The following SCRG1 variants were observed in gnomAD, a reference collection of about 807,000 sequenced individuals.
The protein encoded by SCRG1 is stimulator of chondrogenesis 1, also known as scrapie-responsive protein 1.
A neutral mutation model predicts 7.7 loss-of-function variants in SCRG1; 3 were observed. That is an observed-to-expected ratio of 0.39 (90% CI 0.18 to 1.01). The LOEUF is 1.01. Ranked by LOEUF, SCRG1 falls within the 50% of genes least tolerant of loss-of-function variation. The pLI is 0.36. For synonymous variants in SCRG1, 46 were observed against 41.2 expected (o/e 1.12, Z -0.44); for missense variants, 110 against 117.2 (o/e 0.94, Z 0.28).
At chr4:173,394,401 T>C (rs1197790120) in intron 1 of SCRG1, among the ~76,000 whole-genome samples, 1 of 152,146 alleles carries the variant, frequency 6.6e-6, no homozygotes, top group Non-Finnish European at 1.5e-5. Flanking sequence ...TCCCAGCACT[T>C]TGGGAGGCCG....
At chr4:173,475,666 A>G in the SCRG1 span, among the ~76,000 whole-genome samples, 1 of 152,212 alleles carries the variant, frequency 6.6e-6, no homozygotes, top group South Asian at 2.1e-4. Context: ...ATCATTCACA[A>G]TAGTCAAAAA....
chr4:173,459,627 G>T, the SCRG1 span, among the ~76,000 whole-genome samples: 1 of 152,128 alleles, frequency 6.6e-6, no homozygotes, highest in Non-Finnish European at 1.5e-5. Flanking sequence ...TAAGAAGGAA[G>T]TTTATAGAAA....
chr4:173,464,844 T>C, the SCRG1 span, among the ~76,000 whole-genome samples: 1 of 152,160 alleles, frequency 6.6e-6, no homozygotes, highest in South Asian at 2.1e-4. Context: ...ACAACCCAAA[T>C]GTCCATCATG....
chr4:173,417,381 C>T, the SCRG1 span, among the ~76,000 whole-genome samples: 1 of 152,152 alleles, frequency 6.6e-6, no homozygotes, highest in East Asian at 1.9e-4. Context: ...ATCCATAGTT[C>T]TTGAATTCTA....
the SCRG1 span, among the ~76,000 whole-genome samples, chr4:173,449,144 C>T: frequency 6.6e-6 from 1 of 152,226 alleles, no homozygotes; most frequent in Non-Finnish European, 1.5e-5. Context: ...ACAACACTCT[C>T]ACTTTCACTA....
At chr4:173,495,752 C>G in the SCRG1 span, among the ~76,000 whole-genome samples, 2 of 152,324 alleles carry the variant, frequency 1.3e-5, no homozygotes, top group South Asian at 4.1e-4. Context: ...ATCCTCATAT[C>G]CAGCAAACAT....
At chr4:173,398,055 T>A (rs1739653933) in intron 1 of SCRG1, among the ~76,000 whole-genome samples, 1 of 152,236 alleles carries the variant, frequency 6.6e-6, no homozygotes, top group African/African-American at 2.4e-5. Flanking sequence ...ACTGTTTTTT[T>A]AAAGTTCTCT....
chr4:173,459,622 A>G, the SCRG1 span, among the ~76,000 whole-genome samples: 7 of 152,206 alleles, frequency 4.6e-5, no homozygotes, highest in Non-Finnish European at 1.0e-4. Flanking sequence ...CAATCTAAGA[A>G]GGAAGTTTAT....
chr4:173,388,512 G>C (rs1293107498), intron 2 of SCRG1, 117 bp from the exon 3 acceptor site: 2 of 658,302 alleles, frequency 3.0e-6, no homozygotes, highest in African/African-American at 1.9e-5. Context: ...ATTCTTTTTA[G>C]GTGACTAAAA....
chr4:173,516,959 A>G, the SCRG1 span, among the ~76,000 whole-genome samples: 1 of 152,234 alleles, frequency 6.6e-6, no homozygotes, highest in East Asian at 1.9e-4. Flanking sequence ...GGAAACTAAA[A>G]AAGTGGAGAG....
the SCRG1 span, among the ~76,000 whole-genome samples, chr4:173,429,307 C>T: frequency 2.0e-5 from 3 of 151,520 alleles, no homozygotes; most frequent in South Asian, 4.2e-4. Flanking sequence ...TTTTTTGAGA[C>T]AAAGTCTTGT....
chr4:173,406,812 C>CT (rs915265948), upstream of SCRG1, among the ~76,000 whole-genome samples: 1 of 152,022 alleles, frequency 6.6e-6, no homozygotes, highest in Admixed American at 6.5e-5. Flanking sequence ...TTGATAATTT[C>CT]TTTTTATCAC....
chr4:173,435,802 G>A, the SCRG1 span, among the ~76,000 whole-genome samples: 1 of 152,288 alleles, frequency 6.6e-6, no homozygotes, highest in South Asian at 2.1e-4. Context: ...GTGCAGACCT[G>A]TCTTGTCGCC....
chr4:173,442,958 C>A, the SCRG1 span, among the ~76,000 whole-genome samples: 1 of 152,174 alleles, frequency 6.6e-6, no homozygotes, highest in African/African-American at 2.4e-5. Context: ...ACATTCAAAG[C>A]ATAGCCCCAT....
At chr4:173,426,366 T>G in the SCRG1 span, among the ~76,000 whole-genome samples, 2 of 152,202 alleles carry the variant, frequency 1.3e-5, no homozygotes, top group African/African-American at 2.4e-5. Flanking sequence ...CTCCCCGACT[T>G]CTTGTACTTT....
chr4:173,480,596 G>A, the SCRG1 span, among the ~76,000 whole-genome samples: 1 of 152,006 alleles, frequency 6.6e-6, no homozygotes, highest in Non-Finnish European at 1.5e-5. Flanking sequence ...CAATTATTAT[G>A]TAGCAATTAT....
At chr4:173,455,750 T>C in the SCRG1 span, among the ~76,000 whole-genome samples, 2 of 152,062 alleles carry the variant, frequency 1.3e-5, no homozygotes, top group Non-Finnish European at 2.9e-5. Flanking sequence ...TTGTCTTTCA[T>C]TGTGGATACC....
the SCRG1 span, among the ~76,000 whole-genome samples, chr4:173,504,099 C>T: frequency 6.6e-6 from 1 of 152,268 alleles, no homozygotes; most frequent in Non-Finnish European, 1.5e-5. The surrounding 1 kb of genome is among the most constrained non-coding windows in gnomAD (Gnocchi z 4.7). Flanking sequence ...TAAGAGGCGA[C>T]TGTGACCATG....
the SCRG1 span, chr4:173,470,105 T>C: frequency 7.1e-6 from 1 of 141,714 alleles, no homozygotes; most frequent in Non-Finnish European, 1.5e-5. Context: ...CTCTTTTTTC[T>C]CTCTCTCCCT....
Sources: gnomAD v4.1 joint callset for allele counts (sites outside exome capture counted in the v4.1 genomes callset) on GRCh38, gnomAD v4.1.1 for gene constraint, Gnocchi (gnomAD v3.1) non-coding constraint, MANE v1.5 for transcripts, NCBI Gene and HGNC (gene_info 2026-07-23, HGNC 2026-07-21) for gene names.